Variants in KCNQ3 observed in about 807,000 individuals in gnomAD.
The protein encoded by KCNQ3 is potassium voltage-gated channel subfamily KQT member 3.
Under a neutral mutation model 92.5 loss-of-function variants are expected in KCNQ3, and 30 were observed. The observed-to-expected ratio is 0.32, with a 90% CI of 0.24 to 0.44. The LOEUF is 0.44. Ranked by LOEUF, KCNQ3 falls within the 20% of genes least tolerant of loss-of-function variation. The probability of loss-of-function intolerance (pLI) is 1.00; values close to 1 mark genes in which losing one functional copy is unlikely to be tolerated. For missense variants in KCNQ3, 913 were observed against 1,140.3 expected (o/e 0.80, Z 2.87); for synonymous variants, 450 against 468.8 (o/e 0.96, Z 0.52).
rs1248926718 is a variant in KCNQ3, at chr8:132,124,408, G to C, written c.*4854C>G. ...CATCAGTCATTGTACTAGAGGCTTT[G>C]TGTGTACATTGATTGTCTCACTTGA... On this transcript the variant is annotated 3_prime_UTR_variant, in exon 15 of 15. Coordinates refer to ENST00000388996, the MANE Select transcript of KCNQ3 (RefSeq NM_004519.4). The C allele has an allele frequency of 1.3e-5, 2 of 152,196 alleles. No homozygotes were observed. Among genetic ancestry groups the C allele is most frequent in the Non-Finnish European group, 2.9e-5 (2 of 68,028 alleles). The allele number at this position is 152,196 out of a possible 1,614,324, so 9.4% of individuals were successfully genotyped here.
At chr8:132,266,757 G>C (rs1475079794) in intron 1 of KCNQ3, among the ~76,000 whole-genome samples, 1 of 152,146 alleles carries the variant, frequency 6.6e-6, no homozygotes, top group Non-Finnish European at 1.5e-5. Flanking sequence ...AGCAGGTCTG[G>C]AGTGAAGCTG....
intron 1 of KCNQ3, among the ~76,000 whole-genome samples, chr8:132,276,971 G>T (rs1024326604): frequency 2.0e-4 from 30 of 152,074 alleles, no homozygotes; most frequent in Admixed American, 1.8e-3. Flanking sequence ...CATCTTCTTG[G>T]CACAGAATGA....
intron 1 of KCNQ3, among the ~76,000 whole-genome samples, chr8:132,261,705 T>C (rs1490465806): frequency 6.6e-6 from 1 of 152,192 alleles, no homozygotes; most frequent in Non-Finnish European, 1.5e-5. Context: ...CTGCCCACAC[T>C]GTGCATCTCC....
intron 1 of KCNQ3, among the ~76,000 whole-genome samples, chr8:132,336,709 CTCA>C: frequency 2.0e-5 from 3 of 152,328 alleles, no homozygotes; most frequent in Admixed American, 2.0e-4. Context: ...CCTCTCCCTC[CTCA>C]TAATTATTCT....
chr8:132,275,109 A>C (rs1816282531), intron 1 of KCNQ3, among the ~76,000 whole-genome samples: 1 of 152,174 alleles, frequency 6.6e-6, no homozygotes, highest in Non-Finnish European at 1.5e-5. Context: ...TTTCATTTTA[A>C]TAGGACCCTT....
rs1274264383 is a variant in KCNQ3, at chr8:132,175,328, T to A, written c.933+125A>T. On this transcript the variant is annotated intron_variant, in intron 5 of 14. Coordinates refer to ENST00000388996, the MANE Select transcript of KCNQ3 (RefSeq NM_004519.4). The stretch of plus-strand genomic sequence containing the variant: ...TCAGCAGGTTCTGAGCTGAAATTGG[T>A]CTAGAGCTTACCTCTGACTGCAGAA... 6 of 1,094,352 alleles carry A rather than the reference T, an allele frequency of 5.5e-6. No individual in the cohort carries two copies. In the East Asian group the frequency reaches 1.2e-4, roughly 22 times the overall value. The allele number at this position is 1,094,352 out of a possible 1,614,324, so 67.8% of individuals were successfully genotyped here. A position where few individuals can be genotyped will look rare whatever the true frequency, so the allele number is the denominator to read the frequency against.
At position 132,431,764 on chromosome 8, in the gene KCNQ3, G is replaced by A. The variant is rs370944166; in HGVS notation, c.386+48383C>T. The stretch of plus-strand genomic sequence containing the variant: ...TATTGAAATTGTTTTCATCGTTCCC[G>A]CTGGGACCTAGACAAGCAACTCCCT... On this transcript the variant is annotated intron_variant, in intron 1 of 14. Transcript: ENST00000388996. 3.3e-5 allele frequency among the ~76,000 whole-genome samples: 5 copies of A among 152,248 alleles called. No homozygotes were observed. The East Asian group carries it at 5.8e-4, about 18-fold the overall frequency.
chr8:132,293,719 G>A (rs1335604507), intron 1 of KCNQ3, among the ~76,000 whole-genome samples: 2 of 152,160 alleles, frequency 1.3e-5, no homozygotes, highest in East Asian at 1.9e-4. Context: ...GTGGGGAGGC[G>A]TGTCATATCT....
intron 8 of KCNQ3, among the ~76,000 whole-genome samples, chr8:132,166,451 C>T (rs537696494): frequency 1.5e-4 from 23 of 152,286 alleles, no homozygotes; most frequent in African/African-American, 4.3e-4. Context: ...TGTACCCCCT[C>T]GGACCCTTAT....
At chr8:132,242,107 G>T (rs992379468) in intron 1 of KCNQ3, among the ~76,000 whole-genome samples, 3 of 152,154 alleles carry the variant, frequency 2.0e-5, no homozygotes, top group Non-Finnish European at 4.4e-5. Context: ...TGCATTAGTG[G>T]GAAAGTAATA....
At chr8:132,297,212 T>C (rs1448218225) in intron 1 of KCNQ3, among the ~76,000 whole-genome samples, 1 of 152,244 alleles carries the variant, frequency 6.6e-6, no homozygotes, top group Non-Finnish European at 1.5e-5. Context: ...TCTGTTCATA[T>C]CCTTCACCCA....
intron 1 of KCNQ3, among the ~76,000 whole-genome samples, chr8:132,329,611 A>G (rs1818171922): frequency 6.6e-6 from 1 of 152,016 alleles, no homozygotes; most frequent in African/African-American, 2.4e-5. Context: ...CCACATCCCA[A>G]GGCACCCCCA....
intron 1 of KCNQ3, among the ~76,000 whole-genome samples, chr8:132,380,787 G>A (rs1563887118): frequency 6.6e-6 from 1 of 151,948 alleles, no homozygotes; most frequent in Non-Finnish European, 1.5e-5. Context: ...GTATTAGGTG[G>A]GTACTGTGCA....
At chr8:132,193,133 G>A (rs1019424418) in intron 1 of KCNQ3, among the ~76,000 whole-genome samples, 5 of 152,084 alleles carry the variant, frequency 3.3e-5, no homozygotes, top group African/African-American at 1.2e-4. Context: ...AGTAAGCAAG[G>A]GTTTGCGGCC....
rs186485791 is a variant in KCNQ3, at chr8:132,453,524, G to A, written c.386+26623C>T. 7.1e-3 allele frequency among the ~76,000 whole-genome samples: 1,080 copies of A among 152,228 alleles called. 13 individuals are homozygous for A. Among genetic ancestry groups the A allele is most frequent in the African/African-American group, 0.025 (1,045 of 41,546 alleles). On this transcript the variant is annotated intron_variant, in intron 1 of 14. Coordinates refer to ENST00000388996, the MANE Select transcript of KCNQ3 (RefSeq NM_004519.4). ...ACAGTAGAGCCTGGGGCCTAAAACCGAGGGGCCTGCACTGGCCTAGAGGCT... is the reference window on the plus strand; with the variant it reads ...ACAGTAGAGCCTGGGGCCTAAAACCAAGGGGCCTGCACTGGCCTAGAGGCT...
Position 132,383,952 on chromosome 8 carries a change from G to C in KCNQ3, c.386+96195C>G, listed in dbSNP as rs76903410. 2.1e-4 allele frequency among the ~76,000 whole-genome samples: 32 copies of C among 152,330 alleles called. No homozygotes were observed. The East Asian group carries it at 2.9e-3, about 14-fold the overall frequency. ...TGAGTGAATAGAGGAAAAGCATCCA[G>C]AGTTTCTGAGTTAAGTCTTAGCTAC... On this transcript the variant is annotated intron_variant, in intron 1 of 14. Coordinates refer to ENST00000388996, the MANE Select transcript of KCNQ3 (RefSeq NM_004519.4).
chr8:132,280,209 G>T (rs61135443), intron 1 of KCNQ3, among the ~76,000 whole-genome samples: 3,994 of 152,262 alleles, frequency 0.026, 192 homozygotes, highest in African/African-American at 0.091. Context: ...ATTGAAGGGG[G>T]TTAGCTACTT....
At chr8:132,363,414 G>A (rs753621230) in intron 1 of KCNQ3, among the ~76,000 whole-genome samples, 5 of 152,144 alleles carry the variant, frequency 3.3e-5, no homozygotes, top group Non-Finnish European at 7.3e-5. Flanking sequence ...CCCTTGGAAT[G>A]CACTTTGGAA....
intron 1 of KCNQ3, among the ~76,000 whole-genome samples, chr8:132,244,388 A>G (rs1815092063): frequency 6.6e-6 from 1 of 151,886 alleles, no homozygotes; most frequent in Non-Finnish European, 1.5e-5. Context: ...GAGAGAAAGG[A>G]AGTGAGGGAG....
Sources: gnomAD v4.1 joint callset for allele counts (sites outside exome capture counted in the v4.1 genomes callset) on GRCh38, gnomAD v4.1.1 for gene constraint, MANE v1.5 for transcripts, NCBI Gene and HGNC (gene_info 2026-07-23, HGNC 2026-07-21) for gene names.